Variants in MEMO1 observed in about 807,000 individuals in gnomAD.
The protein encoded by MEMO1 is protein MEMO1.
Under a neutral mutation model 45.2 loss-of-function variants are expected in MEMO1, and 6 were observed. The observed-to-expected ratio is 0.13, with a 90% CI of 0.07 to 0.26. The LOEUF (loss-of-function observed/expected upper bound fraction) is 0.26. MEMO1 is among the 10% of genes least tolerant of loss of function. The pLI, the probability that MEMO1 is intolerant of heterozygous loss-of-function variation, is 1.00. For synonymous variants in MEMO1, 78 were observed against 124.3 expected, an observed-to-expected ratio of 0.63 and a Z score of 2.48; for missense variants, 184 against 370.5, an observed-to-expected ratio of 0.50 and a Z score of 4.13.
intron 2 of MEMO1, among the ~76,000 whole-genome samples, chr2:31,973,507 T>C (rs1209216107): frequency 1.3e-5 from 2 of 151,904 alleles, no homozygotes; most frequent in Non-Finnish European, 2.9e-5. Flanking sequence ...GAGATACTTG[T>C]ACACAAATAC....
At chr2:31,984,152 G>A (rs760914655) in intron 2 of MEMO1, among the ~76,000 whole-genome samples, 2 of 152,092 alleles carry the variant, frequency 1.3e-5, no homozygotes, top group African/African-American at 4.8e-5. Context: ...AACAGAATAC[G>A]GCAAAAGGAA....
intron 7 of MEMO1, among the ~76,000 whole-genome samples, chr2:31,883,974 A>C (rs1046225086): frequency 6.6e-6 from 1 of 151,838 alleles, no homozygotes; most frequent in Admixed American, 6.5e-5. Context: ...TTTTTTAAAA[A>C]TTATCTCATT....
intron 4 of MEMO1, among the ~76,000 whole-genome samples, chr2:31,927,267 C>A (rs543187993): frequency 6.6e-6 from 1 of 152,298 alleles, no homozygotes; most frequent in Non-Finnish European, 1.5e-5. Context: ...TTGCAGTGAG[C>A]TGAGATAGCG....
intron 8 of MEMO1, among the ~76,000 whole-genome samples, chr2:31,876,706 T>G (rs1674620105): frequency 6.6e-6 from 1 of 152,068 alleles, no homozygotes; most frequent in Non-Finnish European, 1.5e-5. Context: ...CCAAAAACAT[T>G]TTGGTCCTTA....
intron 3 of MEMO1, among the ~76,000 whole-genome samples, chr2:31,933,351 T>TATATATATATATA (rs869274123): frequency 1.8e-4 from 8 of 45,088 alleles, no homozygotes; most frequent in East Asian, 1.0e-3. Flanking sequence ...AAAAAAAAAT[T>TATATATATATATA]TATATATATA....
chr2:32,002,227 G>A (rs145429460), intron 2 of MEMO1, among the ~76,000 whole-genome samples: 3,100 of 137,170 alleles, frequency 0.023, 36 homozygotes, highest in African/African-American at 0.041. Context: ...ATACGTATAT[G>A]TGTATATATA....
chr2:31,912,667 T>C (rs1457995884), intron 6 of MEMO1, among the ~76,000 whole-genome samples: 1 of 152,040 alleles, frequency 6.6e-6, no homozygotes, highest in East Asian at 1.9e-4. Context: ...TAAGATATGA[T>C]CTCTTGTTTA....
intron 3 of MEMO1, among the ~76,000 whole-genome samples, chr2:31,935,778 A>G (rs2148279782): frequency 6.6e-6 from 1 of 152,244 alleles, no homozygotes; most frequent in East Asian, 1.9e-4. Flanking sequence ...GCGATTCTAC[A>G]TGTATGTGGA....
At position 31,957,749 on chromosome 2, in the gene MEMO1, TTTTA is replaced by T. The variant is rs367941660; in HGVS notation, c.62-14370_62-14367del. Among the ~76,000 whole-genome samples the T allele has an allele frequency of 2.5e-4, 38 of 152,344 alleles. No individual in the cohort carries two copies. The East Asian group carries it at 4.0e-3, about 16-fold the overall frequency. On this transcript the variant is annotated intron_variant, in intron 2 of 9. Transcript: ENST00000404530. ...TGAACAAAATTAACAGTTACAACAGTTTTATTTGTCTAGCAAGGGCTTGAGCTAT... is the reference window on the plus strand; with the variant it reads ...TGAACAAAATTAACAGTTACAACAGTTTTGTCTAGCAAGGGCTTGAGCTAT...
At chr2:31,943,698 C>T (rs1386017728) in intron 2 of MEMO1, among the ~76,000 whole-genome samples, 1 of 152,196 alleles carries the variant, frequency 6.6e-6, no homozygotes, top group Non-Finnish European at 1.5e-5. Flanking sequence ...GAAGCAGAAA[C>T]TCTCAGTGTA....
intron 6 of MEMO1, among the ~76,000 whole-genome samples, chr2:31,895,309 A>T (rs1409980363): frequency 3.3e-5 from 5 of 152,230 alleles, no homozygotes; most frequent in South Asian, 2.1e-4. Context: ...AAGAGCAGAT[A>T]TTGGATTTAG....
At chr2:31,880,717 A>G (rs1675232761) in intron 8 of MEMO1, among the ~76,000 whole-genome samples, 1 of 152,218 alleles carries the variant, frequency 6.6e-6, no homozygotes, top group Admixed American at 6.5e-5. Context: ...ATAATCTGTC[A>G]GTGGTCATAG....
intron 2 of MEMO1, among the ~76,000 whole-genome samples, chr2:31,969,628 TG>T (rs1395373503): frequency 1.2e-4 from 18 of 147,916 alleles, no homozygotes; most frequent in Non-Finnish European, 3.0e-5. Flanking sequence ...TGTGTGTGTG[TG>T]TGTGTTTAAG....
At chr2:31,999,251 T>C (rs757397136) in intron 2 of MEMO1, among the ~76,000 whole-genome samples, 1 of 152,166 alleles carries the variant, frequency 6.6e-6, no homozygotes, top group Non-Finnish European at 1.5e-5. Context: ...GCCACTGCTT[T>C]CACCACTCCC....
chr2:31,868,819 C>T (rs186354800), intron 9 of MEMO1, among the ~76,000 whole-genome samples: 1 of 152,214 alleles, frequency 6.6e-6, no homozygotes, highest in East Asian at 1.9e-4. Context: ...AAATCCCTGG[C>T]CACTTCTGTC....
At chr2:31,940,730 G>A (rs1215952298) in intron 3 of MEMO1, among the ~76,000 whole-genome samples, 1 of 152,064 alleles carries the variant, frequency 6.6e-6, no homozygotes, top group East Asian at 1.9e-4. Flanking sequence ...ATGGAGTCTT[G>A]TTTTGTTGCC....
At chr2:31,978,083 C>T (rs72796844) in intron 2 of MEMO1, among the ~76,000 whole-genome samples, 19 of 151,878 alleles carry the variant, frequency 1.3e-4, no homozygotes, top group South Asian at 4.2e-4. Flanking sequence ...TTCATATGAC[C>T]GCTGTATTAA....
chr2:32,003,808 T>C (rs1036688917), intron 2 of MEMO1, among the ~76,000 whole-genome samples: 3 of 152,094 alleles, frequency 2.0e-5, no homozygotes, highest in African/African-American at 2.4e-5. Flanking sequence ...TCCCAGCACT[T>C]TGGGAGGCCA....
intron 2 of MEMO1, among the ~76,000 whole-genome samples, chr2:31,968,792 G>A (rs1424770378): frequency 6.6e-6 from 1 of 152,008 alleles, no homozygotes; most frequent in African/African-American, 2.4e-5. Context: ...GTCCATCATA[G>A]ATGGACATCA....
Sources: gnomAD v4.1 joint callset for allele counts (sites outside exome capture counted in the v4.1 genomes callset) on GRCh38, gnomAD v4.1.1 for gene constraint, MANE v1.5 for transcripts, NCBI Gene and HGNC (gene_info 2026-07-23, HGNC 2026-07-21) for gene names.